CYTIP: variants seen among roughly 807,000 people sequenced by gnomAD.
CYTIP encodes the protein cytohesin-interacting protein.
CYTIP carries 26 observed loss-of-function variants against 43.8 expected under a neutral mutation model. The observed-to-expected ratio is 0.59, with a 90% CI of 0.44 to 0.82. The LOEUF (loss-of-function observed/expected upper bound fraction) is 0.82, where lower values mean the gene tolerates loss of function less well. Ranked by LOEUF, CYTIP falls within the 40% of genes least tolerant of loss-of-function variation. The pLI is 0.00. For missense variants in CYTIP, 426 were observed against 443.1 expected (o/e 0.96, Z 0.35); for synonymous variants, 162 against 162.9 (o/e 0.99, Z 0.04).
intron 1 of CYTIP, among the ~76,000 whole-genome samples, chr2:157,436,359 T>G (rs967950415): frequency 6.6e-6 from 1 of 152,152 alleles, no homozygotes; most frequent in African/African-American, 2.4e-5. Flanking sequence ...TTCCAAGCAT[T>G]CTCAGTCTCT....
At chr2:157,436,744 T>C (rs941370917) in intron 1 of CYTIP, among the ~76,000 whole-genome samples, 1 of 152,006 alleles carries the variant, frequency 6.6e-6, no homozygotes, top group Non-Finnish European at 1.5e-5. Flanking sequence ...TGGAATAGAA[T>C]GGAAACTTAA....
At chr2:157,443,766 T>C in intron 1 of CYTIP, 81 bp downstream of exon 1, 1 of 1,412,012 alleles carries the variant, frequency 7.1e-7, no homozygotes, top group East Asian at 2.3e-5. Context: ...AATATCACCA[T>C]TAGTATGAAG....
chr2:157,434,617 G>T, intron 2 of CYTIP, 81 bp downstream of exon 2: 1 of 1,047,692 alleles, frequency 9.5e-7, no homozygotes, highest in South Asian at 1.3e-5. Context: ...GAGAGAGAGA[G>T]GAAGAGAGAG....
intron 7 of CYTIP, among the ~76,000 whole-genome samples, chr2:157,417,767 G>A (rs530615689): frequency 1.8e-4 from 27 of 151,152 alleles, no homozygotes; most frequent in African/African-American, 6.1e-4. Context: ...GGATTAAATT[G>A]TTATCTTTTT....
intron 6 of CYTIP, among the ~76,000 whole-genome samples, chr2:157,424,516 G>GAT (rs34953634): frequency 0.025 from 3,720 of 150,224 alleles, 117 homozygotes; most frequent in East Asian, 0.11. Context: ...TCCTCAAATT[G>GAT]ATATATATAT....
chr2:157,431,175 A>T (rs1171786198), intron 3 of CYTIP, among the ~76,000 whole-genome samples: 1 of 152,240 alleles, frequency 6.6e-6, no homozygotes, highest in Non-Finnish European at 1.5e-5. Context: ...GTCATGAGAA[A>T]GAAAGTGAAA....
Position 157,427,400 on chromosome 2 carries a change from G to A in CYTIP, c.497C>T (p.Thr166Ile). The change falls in exon 6 of 8, where the codon ACA (threonine) becomes ATA (isoleucine). Residue 166 changes from threonine (T) to isoleucine (I), a missense_variant. Coordinates refer to ENST00000264192, the MANE Select transcript of CYTIP (RefSeq NM_004288.5). ...AAGCTCCGTTCTTTTCAGAATCATT[G>A]TTCCATTAAGAGTCTCTATCCTGTT... ...NLLTIETLNG[T>I]MILKRTELEA... The A allele has an allele frequency of 6.2e-7, 1 of 1,607,908 alleles. No individual in the cohort carries two copies.
intron 6 of CYTIP, among the ~76,000 whole-genome samples, chr2:157,425,435 T>TA (rs1247441186): frequency 6.6e-6 from 1 of 152,146 alleles, no homozygotes; most frequent in East Asian, 1.9e-4. Flanking sequence ...TTTTGTACTT[T>TA]AAAAAAATTG....
intron 3 of CYTIP, among the ~76,000 whole-genome samples, chr2:157,432,557 C>G (rs901937626): frequency 3.3e-5 from 5 of 152,110 alleles, no homozygotes; most frequent in African/African-American, 1.2e-4. Flanking sequence ...CTCCTAAGGA[C>G]CCCATAAGGC....
Position 157,436,228 on chromosome 2 carries a change from C to G in CYTIP, c.175-1481G>C, listed in dbSNP as rs183740811. Reference sequence around the variant, plus strand: ...ATAAGCACTAACTGTGGAATGCCTACAAGGATTGGTATGGTTTGTTGTAAC... The same window carrying G: ...ATAAGCACTAACTGTGGAATGCCTAGAAGGATTGGTATGGTTTGTTGTAAC... On this transcript the variant is annotated intron_variant, in intron 1 of 7. Coordinates refer to ENST00000264192, the MANE Select transcript of CYTIP (RefSeq NM_004288.5). Among the ~76,000 whole-genome samples the G allele has an allele frequency of 1.0e-3, 153 of 152,252 alleles. 2 individuals carry two copies. The highest frequency in any genetic ancestry group is 3.1e-4 in the Non-Finnish European group (21 of 67,998).
intron 3 of CYTIP, among the ~76,000 whole-genome samples, chr2:157,434,005 A>C (rs1013514391): frequency 1.4e-4 from 21 of 152,182 alleles, no homozygotes; most frequent in South Asian, 4.1e-4. Flanking sequence ...ACACAGTATA[A>C]CAATATGATT....
At chr2:157,417,626 T>G (rs532283780) in intron 7 of CYTIP, among the ~76,000 whole-genome samples, 4 of 152,276 alleles carry the variant, frequency 2.6e-5, no homozygotes, top group Admixed American at 2.0e-4. Context: ...TATTATGAAT[T>G]TTTTAAAAAT....
chr2:157,443,712 C>T lies in CYTIP; in HGVS notation c.174+135G>A, dbSNP rs1041425943. 5.4e-6 allele frequency: 5 copies of T among 929,732 alleles called. No individual in the cohort carries two copies. In the Admixed American group the frequency reaches 1.5e-4, roughly 28 times the overall value. The allele number at this position is 929,732 out of a possible 1,614,324, so 57.6% of individuals were successfully genotyped here. ...TCACCTAGCTCCCTGAGCATCTCAC[C>T]TCCTTCACCCATAATAATCAGCCAG... On this transcript the variant is annotated intron_variant, in intron 1 of 7. Coordinates refer to ENST00000264192, the MANE Select transcript of CYTIP (RefSeq NM_004288.5).
intron 1 of CYTIP, chr2:157,438,777 G>GA (rs549194909): frequency 5.6e-4 from 89 of 157,756 alleles, no homozygotes; most frequent in Non-Finnish European, 9.9e-4. Context: ...AGTACTAACA[G>GA]AAAACAAAGA....
chr2:157,430,153 G>A (rs34745158), intron 5 of CYTIP, among the ~76,000 whole-genome samples: 2 of 152,048 alleles, frequency 1.3e-5, no homozygotes, highest in African/African-American at 4.8e-5. Context: ...AAAAACAGGT[G>A]GCTTGTCACA....
chr2:157,429,375 G>T (rs952717765), intron 5 of CYTIP, among the ~76,000 whole-genome samples: 3 of 152,100 alleles, frequency 2.0e-5, no homozygotes, highest in African/African-American at 7.2e-5. Flanking sequence ...CCCTAGAAAA[G>T]ACCACTTTAC....
intron 3 of CYTIP, among the ~76,000 whole-genome samples, chr2:157,432,393 A>G (rs16841755): frequency 0.059 from 8,990 of 152,320 alleles, 354 homozygotes; most frequent in Admixed American, 0.12. Context: ...TTAAGGGATC[A>G]GTGACACAAT....
At chr2:157,421,703 C>CAATGA (rs1685524550) in intron 6 of CYTIP, among the ~76,000 whole-genome samples, 1 of 152,116 alleles carries the variant, frequency 6.6e-6, no homozygotes, top group African/African-American at 2.4e-5. Context: ...GCCCCTGGTG[C>CAATGA]AATGAAGAGT....
chr2:157,427,343 T>A lies in CYTIP; in HGVS notation c.546+8A>T, dbSNP rs765076177. On this transcript the variant is annotated splice_region_variant and intron_variant, in intron 6 of 7. Coordinates refer to ENST00000264192, the MANE Select transcript of CYTIP (RefSeq NM_004288.5). ...AAAAATGTGCCTCACTGCATTAAAT[T>A]AAATTACCTTTAAAACCTGCAGCTT... 2 of 1,601,670 alleles carry A rather than the reference T, an allele frequency of 1.2e-6. No homozygotes were observed. Among genetic ancestry groups the A allele is most frequent in the Admixed American group, 1.7e-5 (1 of 57,890 alleles).
Sources: allele counts gnomAD v4.1 joint callset (sites outside exome capture counted in the v4.1 genomes callset), GRCh38; gene constraint gnomAD v4.1.1; transcripts MANE v1.5; gene names NCBI Gene and HGNC (gene_info 2026-07-23, HGNC 2026-07-21).